The following AXIN1 variants were observed in gnomAD, a reference collection of about 807,000 sequenced individuals.
AXIN1 encodes axin-1.
A neutral mutation model predicts 76.4 loss-of-function variants in AXIN1; 30 were observed. That is an observed-to-expected ratio of 0.39 (90% CI 0.29 to 0.53). The LOEUF is 0.53. AXIN1 is among the 20% of genes least tolerant of loss of function. The probability of loss-of-function intolerance (pLI) is 0.66; values close to 1 mark genes in which losing one functional copy is unlikely to be tolerated. For missense variants in AXIN1, 1,140 were observed against 1,198.8 expected (o/e 0.95, Z 0.72); for synonymous variants, 545 against 501.4 (o/e 1.09, Z -1.16).
Position 293,804 on chromosome 16 carries a change from G to A in AXIN1, c.1956-86C>T. On this transcript the variant is annotated intron_variant, in intron 7 of 10. Transcript: ENST00000262320. The surrounding 1 kb of genome is among the most constrained non-coding windows in gnomAD (Gnocchi z 4.6). ...GGGCTACACTCATCTCACAAGGGCA[G>A]CCTCCTTGAGGGATAGGATGGGATG... is the stretch of plus-strand genomic sequence containing the variant. 1 of 1,333,514 alleles carries A rather than the reference G, an allele frequency of 7.5e-7. No individual in the cohort carries two copies. Among genetic ancestry groups the A allele is most frequent in the South Asian group, 1.2e-5 (1 of 85,634 alleles). 82.6% of individuals were successfully genotyped at this position (1,333,514 alleles called of 1,614,324 possible).
At chr16:304,239 C>T (rs2141544091) in intron 5 of AXIN1, 65 bp downstream of exon 5, 2 of 1,598,722 alleles carry the variant, frequency 1.3e-6, no homozygotes, top group South Asian at 1.1e-5. Context: ...AACATCAGGA[C>T]ATCCCGGCGG....
At chr16:294,933 G>T (rs1374594774) in intron 7 of AXIN1, among the ~76,000 whole-genome samples, 19 of 150,668 alleles carry the variant, frequency 1.3e-4, no homozygotes, top group Admixed American at 2.0e-4. Flanking sequence ...GCGTGGTGGC[G>T]GGCGCCTGCA....
At chr16:336,510 G>A (rs2053806174) in intron 2 of AXIN1, among the ~76,000 whole-genome samples, 1 of 152,130 alleles carries the variant, frequency 6.6e-6, no homozygotes, top group South Asian at 2.1e-4. Flanking sequence ...CCTGACCCAA[G>A]AGGGCTGGTT....
chr16:343,826 C>A (rs532570463), intron 2 of AXIN1, among the ~76,000 whole-genome samples: 1 of 150,028 alleles, frequency 6.7e-6, no homozygotes, highest in African/African-American at 2.5e-5. Flanking sequence ...GCCAACGTGG[C>A]GAAACGCTGT....
At chr16:310,244 G>T (rs2053140351) in intron 3 of AXIN1, among the ~76,000 whole-genome samples, 175 bp from the exon 4 acceptor site, 1 of 152,258 alleles carries the variant, frequency 6.6e-6, no homozygotes, top group Admixed American at 6.5e-5. Context: ...TGTGCACAGG[G>T]GAACATGTAC....
rs45483200 is a variant in AXIN1 at position 287,963 on chromosome 16, G to A, written c.*159C>T. ...CAGAAGCTTGTGGACCACTTGGAGGGACCCCCTACCTGCCTCTAGACACGG... is the reference window on the plus strand; with the variant it reads ...CAGAAGCTTGTGGACCACTTGGAGGAACCCCCTACCTGCCTCTAGACACGG... On this transcript the variant is annotated 3_prime_UTR_variant, in exon 11 of 11. Transcript: ENST00000262320. 1 of 1,235,712 alleles carries A rather than the reference G, an allele frequency of 8.1e-7. No homozygotes were observed. Among genetic ancestry groups the A allele is most frequent in the Non-Finnish European group, 1.2e-6 (1 of 857,922 alleles). 76.5% of individuals were successfully genotyped at this position (1,235,712 alleles called of 1,614,324 possible).
chr16:329,372 C>G (rs1034341879), intron 2 of AXIN1, among the ~76,000 whole-genome samples: 1 of 150,448 alleles, frequency 6.6e-6, no homozygotes, highest in African/African-American at 2.4e-5. Flanking sequence ...TAAGAAAAAT[C>G]TAGAGCGATC....
intron 3 of AXIN1, among the ~76,000 whole-genome samples, chr16:312,138 G>A (rs973566356): frequency 6.6e-6 from 1 of 152,172 alleles, no homozygotes; most frequent in Admixed American, 6.5e-5. Context: ...ACAGGCCTCC[G>A]TGGATTAGAC....
At position 307,751 on chromosome 16, in the gene AXIN1, G is replaced by A. The variant is rs140141169; in HGVS notation, c.1116+2222C>T. 2.5e-3 allele frequency among the ~76,000 whole-genome samples: 388 copies of A among 152,284 alleles called. 1 individual carries two copies. The highest frequency in any genetic ancestry group is 8.9e-3 in the African/African-American group (370 of 41,544). ...AGAGCCATGGACTCACCAGAGAAACGGCATAGCTTTTGCAAAACCAAGGCC... is the reference window on the plus strand; with the variant it reads ...AGAGCCATGGACTCACCAGAGAAACAGCATAGCTTTTGCAAAACCAAGGCC... On this transcript the variant is annotated intron_variant, in intron 4 of 10. Transcript: ENST00000262320.
At chr16:313,027 C>A (rs1036060773) in intron 3 of AXIN1, among the ~76,000 whole-genome samples, 2 of 152,000 alleles carry the variant, frequency 1.3e-5, no homozygotes. Context: ...TAATCATCAT[C>A]ATCAGCCGGA....
chr16:327,235 T>C (rs1265178960), intron 2 of AXIN1, among the ~76,000 whole-genome samples: 2 of 151,896 alleles, frequency 1.3e-5, no homozygotes, highest in East Asian at 3.9e-4. Flanking sequence ...ACACTTGGTG[T>C]CACCCTCAGG....
At chr16:351,745 A>G (rs1459500981) in intron 1 of AXIN1, among the ~76,000 whole-genome samples, 1 of 141,576 alleles carries the variant, frequency 7.1e-6, no homozygotes, top group African/African-American at 2.6e-5. Context: ...ATCTCTACAA[A>G]AAATATATAT....
chr16:321,535 C>A (rs1237641083), intron 2 of AXIN1, among the ~76,000 whole-genome samples: 1 of 152,238 alleles, frequency 6.6e-6, no homozygotes, highest in Non-Finnish European at 1.5e-5. Context: ...CCTCAACTCA[C>A]GACAAGGCTG....
intron 3 of AXIN1, among the ~76,000 whole-genome samples, chr16:310,373 C>G (rs1385157903): frequency 6.6e-6 from 1 of 152,194 alleles, no homozygotes; most frequent in Non-Finnish European, 1.5e-5. Flanking sequence ...TAGGGCCTGA[C>G]AGCTAAGAGT....
rs2052613400 is a variant in AXIN1, at chr16:293,075, C to T, written c.2186+413G>A. The T allele has an allele frequency of 7.8e-6, 2 of 255,230 alleles. No individual in the cohort carries two copies. The highest frequency in any genetic ancestry group is 9.8e-5 in the Admixed American group (2 of 20,414). 15.8% of individuals were successfully genotyped at this position (255,230 alleles called of 1,614,324 possible). ...TCCGACCGTGCAGAGCCACTCAGGG[C>T]TCCTGGGACGCAACTGTCAAGAGGC... On this transcript the variant is annotated intron_variant, in intron 8 of 10. Transcript: ENST00000262320. The surrounding 1 kb of genome is among the most constrained non-coding windows in gnomAD (Gnocchi z 4.6).
intron 3 of AXIN1, 41 bp downstream of exon 3, chr16:314,502 C>G (rs2053254684): frequency 6.2e-7 from 1 of 1,612,140 alleles, no homozygotes. Context: ...GACTTACACA[C>G]TGCTGTCCGT....
At chr16:319,478 G>T (rs1375813857) in intron 2 of AXIN1, among the ~76,000 whole-genome samples, 1 of 152,146 alleles carries the variant, frequency 6.6e-6, no homozygotes, top group Non-Finnish European at 1.5e-5. Context: ...AAACACCTGT[G>T]GGGTTTGACA....
intron 5 of AXIN1, chr16:299,321 G>A (rs2052803997): frequency 1.3e-6 from 1 of 789,872 alleles, no homozygotes; most frequent in South Asian, 5.7e-5. Flanking sequence ...CAATACAAAA[G>A]AAAGAGAGGG....
At chr16:314,860 T>C (rs1410262251) in intron 2 of AXIN1, among the ~76,000 whole-genome samples, 177 bp from the exon 3 acceptor site, 1 of 152,238 alleles carries the variant, frequency 6.6e-6, no homozygotes, top group Non-Finnish European at 1.5e-5. Flanking sequence ...TGTCCCTCTG[T>C]CCTTTTCAAC....
Sources: allele counts gnomAD v4.1 joint callset (sites outside exome capture counted in the v4.1 genomes callset), GRCh38; gene constraint gnomAD v4.1.1; non-coding constraint Gnocchi (gnomAD v3.1); transcripts MANE v1.5; gene names NCBI Gene and HGNC (gene_info 2026-07-23, HGNC 2026-07-21).